GALNT17: variants seen among roughly 807,000 people sequenced by gnomAD.
GALNT17 encodes polypeptide N-acetylgalactosaminyltransferase 17.
A neutral mutation model predicts 63.7 loss-of-function variants in GALNT17; 29 were observed. The ratio of observed to expected loss-of-function variants is 0.46; its 90% CI spans 0.34 to 0.62. The LOEUF (loss-of-function observed/expected upper bound fraction) is 0.62, where lower values mean the gene tolerates loss of function less well. GALNT17 is among the 20% of genes least tolerant of loss of function. The pLI is 0.01. For synonymous variants in GALNT17, 305 were observed against 318.3 expected (o/e 0.96, Z 0.45); for missense variants, 603 against 799.6 (o/e 0.75, Z 2.97).
chr7:71,541,286 A>G (rs572868457), intron 5 of GALNT17, among the ~76,000 whole-genome samples: 2 of 150,502 alleles, frequency 1.3e-5, no homozygotes, highest in Non-Finnish European at 2.9e-5. Flanking sequence ...GCCTGGCCTT[A>G]TGTGTGCTGG....
chr7:71,423,920 A>G (rs887979623), intron 5 of GALNT17, among the ~76,000 whole-genome samples: 3 of 152,162 alleles, frequency 2.0e-5, no homozygotes, highest in Non-Finnish European at 4.4e-5. Context: ...AGACCCTGTC[A>G]CAAATAATAA....
At chr7:71,140,316 C>T (rs535051850) in intron 1 of GALNT17, among the ~76,000 whole-genome samples, 1 of 152,290 alleles carries the variant, frequency 6.6e-6, no homozygotes, top group African/African-American at 2.4e-5. Flanking sequence ...GTCCTAGGAC[C>T]AGGGCCAGGG....
intron 6 of GALNT17, among the ~76,000 whole-genome samples, chr7:71,658,243 A>G (rs923795469): frequency 5.9e-5 from 9 of 152,178 alleles, no homozygotes; most frequent in African/African-American, 1.9e-4. Context: ...AGTTGAATGT[A>G]TGAATGAAAC....
chr7:71,366,709 A>T (rs1792517572), intron 2 of GALNT17, among the ~76,000 whole-genome samples: 1 of 152,108 alleles, frequency 6.6e-6, no homozygotes, highest in African/African-American at 2.4e-5. Flanking sequence ...AATATGTTAG[A>T]CATGTCCATT....
At chr7:71,273,053 A>C (rs1414620012) in intron 1 of GALNT17, among the ~76,000 whole-genome samples, 1 of 151,940 alleles carries the variant, frequency 6.6e-6, no homozygotes, top group Non-Finnish European at 1.5e-5. Flanking sequence ...TGTTATTAGC[A>C]GTGAAGGTTG....
At chr7:71,540,340 C>A (rs1339429051) in intron 5 of GALNT17, among the ~76,000 whole-genome samples, 2 of 151,748 alleles carry the variant, frequency 1.3e-5, no homozygotes, top group African/African-American at 2.4e-5. Flanking sequence ...TGGTCTCGAA[C>A]TCCTGACCTC....
chr7:71,438,879 G>T (rs944679487), intron 5 of GALNT17, among the ~76,000 whole-genome samples: 4 of 150,348 alleles, frequency 2.7e-5, no homozygotes, highest in Non-Finnish European at 5.9e-5. Context: ...GCTAATAAAA[G>T]ATAGACTTTT....
intron 1 of GALNT17, among the ~76,000 whole-genome samples, chr7:71,332,931 G>T (rs759243993): frequency 6.6e-6 from 1 of 151,956 alleles, no homozygotes; most frequent in Non-Finnish European, 1.5e-5. Flanking sequence ...CAAGTGATCC[G>T]CCCACCTCAG....
chr7:71,432,884 A>C (rs1197348646), intron 5 of GALNT17, among the ~76,000 whole-genome samples: 1 of 152,112 alleles, frequency 6.6e-6, no homozygotes, highest in African/African-American at 2.4e-5. Flanking sequence ...ATCTCGACTC[A>C]CTGCAACCTC....
chr7:71,367,962 G>T (rs1348073429), intron 2 of GALNT17, among the ~76,000 whole-genome samples: 1 of 152,208 alleles, frequency 6.6e-6, no homozygotes, highest in Non-Finnish European at 1.5e-5. Context: ...TGGACCCTAG[G>T]AGAGGACTTG....
At chr7:71,373,993 T>C (rs10452707) in intron 2 of GALNT17, among the ~76,000 whole-genome samples, 6,701 of 152,304 alleles carry the variant, frequency 0.044, 516 homozygotes, top group African/African-American at 0.15. Context: ...TCAGGTGCAA[T>C]GTTGAAATCA....
At chr7:71,659,284 CA>C (rs1230011864) in intron 6 of GALNT17, among the ~76,000 whole-genome samples, 1 of 152,200 alleles carries the variant, frequency 6.6e-6, no homozygotes, top group East Asian at 1.9e-4. Flanking sequence ...AGTGTAAGCC[CA>C]AATTTAGTGG....
At chr7:71,479,206 T>G (rs551380878) in intron 5 of GALNT17, among the ~76,000 whole-genome samples, 2 of 151,500 alleles carry the variant, frequency 1.3e-5, no homozygotes, top group African/African-American at 4.8e-5. Context: ...AGTAGCTTTA[T>G]AAGAAGGGCT....
chr7:71,318,419 TTTGTGTGTG>T (rs1279981585), intron 1 of GALNT17, among the ~76,000 whole-genome samples: 1 of 147,750 alleles, frequency 6.8e-6, no homozygotes, highest in African/African-American at 2.5e-5. Flanking sequence ...CTCTTTTTTT[TTTGTGTGTG>T]TGTGGGGGGT....
chr7:71,508,637 C>T (rs1019954925), intron 5 of GALNT17, among the ~76,000 whole-genome samples: 1 of 152,086 alleles, frequency 6.6e-6, no homozygotes. Flanking sequence ...GATTGCAGGT[C>T]CTCGCCGGCA....
At chr7:71,469,438 G>A (rs1447470598) in intron 5 of GALNT17, among the ~76,000 whole-genome samples, 2 of 152,160 alleles carry the variant, frequency 1.3e-5, no homozygotes, top group Non-Finnish European at 2.9e-5. Flanking sequence ...TTTACAAACC[G>A]GGCAACCCCT....
chr7:71,448,880 A>T (rs1054121028), intron 5 of GALNT17, among the ~76,000 whole-genome samples: 2 of 152,118 alleles, frequency 1.3e-5, no homozygotes, highest in African/African-American at 4.8e-5. Flanking sequence ...AGAAAAATTT[A>T]GCTGTTATTG....
chr7:71,482,079 ATATGTGTG>A (rs1240336180), intron 5 of GALNT17, among the ~76,000 whole-genome samples: 48 of 136,886 alleles, frequency 3.5e-4, no homozygotes, highest in East Asian at 1.5e-3. Flanking sequence ...ACATATATGT[ATATGTGTG>A]TGTGTGTGTG....
At chr7:71,359,754 T>G (rs1457136254) in intron 2 of GALNT17, among the ~76,000 whole-genome samples, 1 of 152,220 alleles carries the variant, frequency 6.6e-6, no homozygotes, top group South Asian at 2.1e-4. Flanking sequence ...CGGCTAATTT[T>G]TGTGCTTTTA....
Sources: allele counts gnomAD v4.1 joint callset (sites outside exome capture counted in the v4.1 genomes callset), GRCh38; gene constraint gnomAD v4.1.1; transcripts MANE v1.5; gene names NCBI Gene and HGNC (gene_info 2026-07-23, HGNC 2026-07-21).